Variants in DTNA observed in about 807,000 individuals in gnomAD.
DTNA encodes dystrophin-related protein 3.
In DTNA, 43 loss-of-function variants were observed where a neutral mutation model predicts 100.7. The ratio of observed to expected loss-of-function variants is 0.43; its 90% CI spans 0.33 to 0.55. The LOEUF (loss-of-function observed/expected upper bound fraction) is 0.55, where lower values mean the gene tolerates loss of function less well. Among genes scored for constraint, DTNA ranks in the 20% least tolerant of loss-of-function variants. DTNA has a pLI of 0.04. For missense variants in DTNA, 798 were observed against 953.9 expected (o/e 0.84, Z 2.15); for synonymous variants, 349 against 347.9 (o/e 1.00, Z -0.04).
chr18:34,606,481 C>T (rs1244441834), intron 1 of DTNA, among the ~76,000 whole-genome samples: 1 of 152,096 alleles, frequency 6.6e-6, no homozygotes, highest in African/African-American at 2.4e-5. Flanking sequence ...CAATAACATG[C>T]ATATTGGAGT....
intron 1 of DTNA, among the ~76,000 whole-genome samples, chr18:34,621,062 G>A (rs988686105): frequency 1.3e-5 from 2 of 151,474 alleles, no homozygotes; most frequent in Non-Finnish European, 2.9e-5. Flanking sequence ...AATGTGAACC[G>A]TTGATCCAGA....
intron 1 of DTNA, among the ~76,000 whole-genome samples, chr18:34,696,992 A>G (rs1418205439): frequency 1.3e-5 from 2 of 152,214 alleles, no homozygotes; most frequent in Non-Finnish European, 2.9e-5. Context: ...AAGTGATACT[A>G]GCATCTAGTG....
intron 1 of DTNA, among the ~76,000 whole-genome samples, chr18:34,515,352 C>T (rs1368640772): frequency 6.6e-6 from 1 of 152,048 alleles, no homozygotes; most frequent in East Asian, 1.9e-4. Flanking sequence ...TGTGCATCTC[C>T]AGTTTTAACT....
chr18:34,768,605 T>G (rs1480582786), intron 3 of DTNA, among the ~76,000 whole-genome samples: 2 of 152,200 alleles, frequency 1.3e-5, no homozygotes, highest in Non-Finnish European at 2.9e-5. Flanking sequence ...CATCCAGAAT[T>G]GTCTTGGAAT....
intron 1 of DTNA, among the ~76,000 whole-genome samples, chr18:34,658,136 T>C (rs561373863): frequency 9.9e-5 from 15 of 152,202 alleles, no homozygotes; most frequent in African/African-American, 3.6e-4. Flanking sequence ...ATTCAAGCAC[T>C]GAAACTAAAA....
chr18:34,860,921 T>C (rs780677558), intron 16 of DTNA, among the ~76,000 whole-genome samples: 1 of 152,184 alleles, frequency 6.6e-6, no homozygotes, highest in African/African-American at 2.4e-5. Context: ...GAAACTGAGA[T>C]TCACAGAAGT....
intron 2 of DTNA, among the ~76,000 whole-genome samples, chr18:34,759,518 G>A (rs1005138594): frequency 6.6e-6 from 1 of 152,172 alleles, no homozygotes; most frequent in Non-Finnish European, 1.5e-5. Flanking sequence ...TAATGGAAGG[G>A]AAGTGATTGG....
intron 1 of DTNA, among the ~76,000 whole-genome samples, chr18:34,674,574 A>C (rs2077169085): frequency 6.6e-6 from 1 of 152,084 alleles, no homozygotes. Context: ...TTTTACTACA[A>C]CTTTCTAAGC....
intron 1 of DTNA, among the ~76,000 whole-genome samples, chr18:34,502,515 G>A (rs928266426): frequency 1.3e-5 from 2 of 151,988 alleles, no homozygotes; most frequent in Non-Finnish European, 2.9e-5. Flanking sequence ...TTCCCTCTCA[G>A]TTCTGCTGTC....
intron 1 of DTNA, among the ~76,000 whole-genome samples, chr18:34,523,811 G>A (rs1030408007): frequency 6.6e-6 from 1 of 152,048 alleles, no homozygotes; most frequent in African/African-American, 2.4e-5. Flanking sequence ...TCTAGTGATG[G>A]CTTTTAATAT....
intron 1 of DTNA, among the ~76,000 whole-genome samples, chr18:34,681,489 G>T (rs531742487): frequency 2.6e-5 from 4 of 152,192 alleles, no homozygotes; most frequent in African/African-American, 9.6e-5. Flanking sequence ...TCCTGCTCAC[G>T]TGAGCTTCCA....
intron 1 of DTNA, among the ~76,000 whole-genome samples, chr18:34,516,616 A>G (rs1233567420): frequency 2.6e-5 from 4 of 152,108 alleles, no homozygotes; most frequent in Non-Finnish European, 5.9e-5. Flanking sequence ...CTAGGAACGC[A>G]TTCTCTTTCT....
chr18:34,712,888 A>T (rs905558592), intron 1 of DTNA, among the ~76,000 whole-genome samples: 1 of 152,146 alleles, frequency 6.6e-6, no homozygotes, highest in African/African-American at 2.4e-5. Flanking sequence ...AACCATATTG[A>T]GTAAAATAGT....
At chr18:34,562,230 A>C (rs561681524) in intron 1 of DTNA, among the ~76,000 whole-genome samples, 1 of 152,234 alleles carries the variant, frequency 6.6e-6, no homozygotes, top group Non-Finnish European at 1.5e-5. Flanking sequence ...ATAAATACAC[A>C]CACATACATC....
At chr18:34,599,884 G>A (rs761995060) in intron 1 of DTNA, among the ~76,000 whole-genome samples, 28 of 152,058 alleles carry the variant, frequency 1.8e-4, no homozygotes, top group Non-Finnish European at 2.5e-4. Flanking sequence ...TCATCATGTT[G>A]GCCAGGCTGA....
chr18:34,558,626 G>A (rs927698596), intron 1 of DTNA, among the ~76,000 whole-genome samples: 1 of 152,216 alleles, frequency 6.6e-6, no homozygotes, highest in African/African-American at 2.4e-5. Flanking sequence ...AGAAGAGAAA[G>A]TGATTGGAGT....
intron 1 of DTNA, among the ~76,000 whole-genome samples, chr18:34,523,031 T>C (rs2145269814): frequency 6.6e-6 from 1 of 152,334 alleles, no homozygotes; most frequent in African/African-American, 2.4e-5. Flanking sequence ...AATCAATGTT[T>C]CAGTCCCACT....
At chr18:34,831,708 T>G (rs2096014487) in intron 11 of DTNA, among the ~76,000 whole-genome samples, 1 of 152,034 alleles carries the variant, frequency 6.6e-6, no homozygotes, top group African/African-American at 2.4e-5. Context: ...GCAGAGGTTG[T>G]GGTGAGCCGA....
intron 1 of DTNA, among the ~76,000 whole-genome samples, chr18:34,529,972 G>T (rs1416010333): frequency 6.6e-6 from 1 of 152,098 alleles, no homozygotes; most frequent in Non-Finnish European, 1.5e-5. Context: ...ACTACCAGGG[G>T]CTTTCCTAGC....
Sources: allele counts gnomAD v4.1 joint callset (sites outside exome capture counted in the v4.1 genomes callset), GRCh38; gene constraint gnomAD v4.1.1; transcripts MANE v1.5; gene names NCBI Gene and HGNC (gene_info 2026-07-23, HGNC 2026-07-21).